LRP1B: variants seen among roughly 807,000 people sequenced by gnomAD.
The protein encoded by LRP1B is LDL receptor related protein 1B, also known as low-density lipoprotein receptor-related protein 1B.
Under a neutral mutation model 556.6 loss-of-function variants are expected in LRP1B, and 217 were observed. The observed-to-expected ratio is 0.39, with a 90% CI of 0.35 to 0.44. LRP1B has a LOEUF of 0.44. Ranked by LOEUF, LRP1B falls within the 20% of genes least tolerant of loss-of-function variation. The pLI, the probability that LRP1B is intolerant of heterozygous loss-of-function variation, is 1.00. For missense variants in LRP1B, 5,053 were observed against 5,620.8 expected (o/e 0.90, Z 3.23); for synonymous variants, 2,047 against 1,865.8 (o/e 1.10, Z -2.50).
chr2:140,546,470 C>G (rs1221124389), intron 43 of LRP1B, among the ~76,000 whole-genome samples: 1 of 152,028 alleles, frequency 6.6e-6, no homozygotes, highest in African/African-American at 2.4e-5. Flanking sequence ...AGGAAACTTA[C>G]AATAATGGCA....
chr2:140,519,200 A>T (rs1167136686), intron 49 of LRP1B, among the ~76,000 whole-genome samples: 1 of 152,150 alleles, frequency 6.6e-6, no homozygotes, highest in Non-Finnish European at 1.5e-5. Context: ...ACACTACCTG[A>T]CTTCAAACTA....
Position 140,442,631 on chromosome 2 carries a change from A to G in LRP1B, c.10295-8T>C. On this transcript the variant is annotated splice_polypyrimidine_tract_variant and splice_region_variant and intron_variant, in intron 65 of 90. Transcript: ENST00000389484. ...GAGAACAGCTGTTTTCAGCTTAGAA[A>G]GAAAACTGCCATTAAAATGTAGCTT... 6.2e-7 allele frequency: 1 copy of G among 1,611,572 alleles called. No individual in the cohort carries two copies. The highest frequency in any genetic ancestry group is 8.5e-7 in the Non-Finnish European group (1 of 1,179,192).
intron 7 of LRP1B, among the ~76,000 whole-genome samples, chr2:141,154,750 C>T (rs1364046537): frequency 6.6e-6 from 1 of 151,838 alleles, no homozygotes; most frequent in Non-Finnish European, 1.5e-5. Flanking sequence ...TAATTCTTAT[C>T]TGTTACTACT....
At chr2:140,602,070 A>G (rs1412443305) in intron 41 of LRP1B, among the ~76,000 whole-genome samples, 4 of 152,108 alleles carry the variant, frequency 2.6e-5, no homozygotes, top group African/African-American at 9.7e-5. Flanking sequence ...GTCCAGGAAA[A>G]GCAAACACAT....
chr2:140,622,132 A>G (rs892946976), intron 41 of LRP1B, among the ~76,000 whole-genome samples: 6 of 152,214 alleles, frequency 3.9e-5, no homozygotes, highest in African/African-American at 1.4e-4. Flanking sequence ...TTTTGAACTA[A>G]GACTGGTTTA....
chr2:140,907,040 A>G (rs1262450989), intron 22 of LRP1B, among the ~76,000 whole-genome samples: 1 of 151,430 alleles, frequency 6.6e-6, no homozygotes, highest in African/African-American at 2.4e-5. Context: ...AGGTCAAAAT[A>G]TAACTTTGGG....
At chr2:141,637,724 A>T (rs980543879) in intron 2 of LRP1B, among the ~76,000 whole-genome samples, 4 of 152,160 alleles carry the variant, frequency 2.6e-5, no homozygotes, top group African/African-American at 9.7e-5. Flanking sequence ...TACCAGGTAC[A>T]TGCTTACGCT....
intron 3 of LRP1B, among the ~76,000 whole-genome samples, chr2:141,299,867 C>A (rs1255881871): frequency 6.6e-6 from 1 of 152,116 alleles, no homozygotes; most frequent in African/African-American, 2.4e-5. Flanking sequence ...CACAGGTAAT[C>A]TTAGTGTGTA....
At chr2:141,476,157 G>A (rs1222048783) in intron 3 of LRP1B, among the ~76,000 whole-genome samples, 1 of 152,168 alleles carries the variant, frequency 6.6e-6, no homozygotes. Flanking sequence ...GAAGGGGTTT[G>A]AGCCCATGGC....
chr2:140,290,659 T>C (rs556993301), intron 84 of LRP1B, among the ~76,000 whole-genome samples: 1 of 152,254 alleles, frequency 6.6e-6, no homozygotes, highest in African/African-American at 2.4e-5. Context: ...CTGATCATTT[T>C]AAAAGTACTT....
chr2:140,669,436 A>G (rs993378818), intron 41 of LRP1B, among the ~76,000 whole-genome samples: 1 of 152,148 alleles, frequency 6.6e-6, no homozygotes, highest in Non-Finnish European at 1.5e-5. Context: ...AGCTCTGGAA[A>G]TAAGTAATGA....
At chr2:140,288,756 A>G (rs1172849081) in intron 84 of LRP1B, among the ~76,000 whole-genome samples, 1 of 151,778 alleles carries the variant, frequency 6.6e-6, no homozygotes. Flanking sequence ...CAGATTTCCC[A>G]ACAGATATTT....
chr2:141,028,241 TATA>T (rs1218811087), intron 11 of LRP1B, among the ~76,000 whole-genome samples: 3 of 151,486 alleles, frequency 2.0e-5, no homozygotes, highest in East Asian at 1.9e-4. Context: ...ACAATTGTGG[TATA>T]ATAAGATAAA....
rs1490471085 is a variant in LRP1B at position 140,364,644 on chromosome 2, C to T, written c.11131+17G>A. ...AGAAGATAAAAGTATAATCTAGAGC[C>T]ACGTGAAATGCCATACCACACATAT... is the stretch of plus-strand genomic sequence containing the variant. On this transcript the variant is annotated intron_variant, in intron 72 of 90. Coordinates refer to ENST00000389484, the MANE Select transcript of LRP1B (RefSeq NM_018557.3). The T allele has an allele frequency of 1.2e-6, 2 of 1,607,666 alleles. No individual in the cohort carries two copies. The highest frequency in any genetic ancestry group is 1.3e-5 in the African/African-American group (1 of 74,544).
chr2:142,119,177 A>C (rs1338232572), intron 1 of LRP1B, among the ~76,000 whole-genome samples: 1 of 152,146 alleles, frequency 6.6e-6, no homozygotes, highest in Non-Finnish European at 1.5e-5. Flanking sequence ...ATGCATGTTT[A>C]GTGTCTCTTC....
intron 11 of LRP1B, among the ~76,000 whole-genome samples, chr2:141,041,805 T>C (rs1037145172): frequency 1.0e-4 from 11 of 107,704 alleles, no homozygotes; most frequent in Admixed American, 2.2e-4. Context: ...GATTTGATCA[T>C]TACATGTTAT....
At chr2:142,070,715 C>T (rs975551264) in intron 1 of LRP1B, among the ~76,000 whole-genome samples, 1 of 151,852 alleles carries the variant, frequency 6.6e-6, no homozygotes, top group Non-Finnish European at 1.5e-5. Flanking sequence ...ATTGATTAAA[C>T]CACTTCCATC....
chr2:141,159,791 A>G (rs1157749238), intron 7 of LRP1B, among the ~76,000 whole-genome samples: 1 of 152,214 alleles, frequency 6.6e-6, no homozygotes, highest in African/African-American at 2.4e-5. Flanking sequence ...AAACAAATTT[A>G]GTTAAAAATA....
chr2:140,728,522 C>A (rs912743676), intron 35 of LRP1B, among the ~76,000 whole-genome samples: 5 of 152,126 alleles, frequency 3.3e-5, no homozygotes, highest in African/African-American at 1.2e-4. Context: ...TTTCAGAAAA[C>A]AACACCATTC....
Sources: gnomAD v4.1 joint callset for allele counts (sites outside exome capture counted in the v4.1 genomes callset) on GRCh38, gnomAD v4.1.1 for gene constraint, MANE v1.5 for transcripts, NCBI Gene and HGNC (gene_info 2026-07-23, HGNC 2026-07-21) for gene names.